The following GLI2 variants were observed in gnomAD, a reference collection of about 807,000 sequenced individuals.
GLI2 encodes the protein GLI family zinc finger 2.
A neutral mutation model predicts 78.9 loss-of-function variants in GLI2; 22 were observed. The ratio of observed to expected loss-of-function variants is 0.28; its 90% CI spans 0.20 to 0.40. GLI2 has a LOEUF of 0.40. Among genes scored for constraint, GLI2 ranks in the 10% least tolerant of loss-of-function variants. The pLI, the probability that GLI2 is intolerant of heterozygous loss-of-function variation, is 1.00. For missense variants in GLI2, 2,097 were observed against 2,213.2 expected (o/e 0.95, Z 1.05); for synonymous variants, 974 against 963.7 (o/e 1.01, Z -0.20).
chr2:120,813,583 T>A (rs1219434109), intron 2 of GLI2, among the ~76,000 whole-genome samples: 1 of 152,190 alleles, frequency 6.6e-6, no homozygotes, highest in African/African-American at 2.4e-5. Flanking sequence ...GCTACCACAC[T>A]TGTCTGCCAG....
chr2:120,961,084 C>G (rs1681531534), intron 5 of GLI2, among the ~76,000 whole-genome samples: 2 of 152,146 alleles, frequency 1.3e-5, no homozygotes, highest in African/African-American at 4.8e-5. Context: ...GATTTAACGA[C>G]AGAACAGCCA....
chr2:120,820,523 G>A (rs1271555633), intron 2 of GLI2, among the ~76,000 whole-genome samples: 1 of 152,232 alleles, frequency 6.6e-6, no homozygotes, highest in East Asian at 1.9e-4. Flanking sequence ...CACTCCGGGG[G>A]TGGGCTCCTG....
At chr2:120,977,984 T>C (rs2105047594) in intron 9 of GLI2, among the ~76,000 whole-genome samples, 1 of 152,346 alleles carries the variant, frequency 6.6e-6, no homozygotes, top group Middle Eastern at 3.4e-3. Context: ...GAGAGGCTTC[T>C]CATGCACCCA....
At chr2:120,796,384 A>C (rs1684395067) in intron 1 of GLI2, among the ~76,000 whole-genome samples, 1 of 152,170 alleles carries the variant, frequency 6.6e-6, no homozygotes, top group Non-Finnish European at 1.5e-5. Context: ...TGCTCTCCGC[A>C]CACAGCAATG....
At chr2:120,867,939 T>C (rs1688229498) in intron 2 of GLI2, among the ~76,000 whole-genome samples, 1 of 152,134 alleles carries the variant, frequency 6.6e-6, no homozygotes, top group Non-Finnish European at 1.5e-5. Flanking sequence ...GTGAGGCGGC[T>C]CCTGCGTGGA....
At chr2:120,922,794 G>A (rs375276338) in intron 2 of GLI2, among the ~76,000 whole-genome samples, 16 of 152,182 alleles carry the variant, frequency 1.1e-4, no homozygotes, top group South Asian at 8.3e-4. Context: ...AGGAGTGCAC[G>A]GGTGCAGCCT....
chr2:120,949,711 C>T (rs942726047), intron 3 of GLI2, among the ~76,000 whole-genome samples: 2 of 152,208 alleles, frequency 1.3e-5, no homozygotes, highest in African/African-American at 4.8e-5. Context: ...ATGAGCAGGG[C>T]AGTCACGTCT....
chr2:120,888,810 G>A (rs139815015), intron 2 of GLI2, among the ~76,000 whole-genome samples: 5 of 152,340 alleles, frequency 3.3e-5, no homozygotes, highest in East Asian at 1.9e-4. Context: ...CATGGTCAGC[G>A]TTGGCTGACA....
At chr2:120,775,646 A>G (rs1050926229) in intron 1 of GLI2, among the ~76,000 whole-genome samples, 1 of 152,188 alleles carries the variant, frequency 6.6e-6, no homozygotes, top group Non-Finnish European at 1.5e-5. Context: ...TAGTTAGGGA[A>G]TGGCCTTCCT....
At position 120,991,944 on chromosome 2, in the gene GLI2, C is replaced by G. The variant is rs1230170538; in HGVS notation, c.*1269C>G. ...ACCCACCTGGAAATGGAATTTGGAA[C>G]TGGCTTCAGGAGACATCATTCCTGA... On this transcript the variant is annotated 3_prime_UTR_variant, in exon 14 of 14. Coordinates refer to ENST00000361492, the MANE Select transcript of GLI2 (RefSeq NM_001374353.1). The G allele has an allele frequency of 6.6e-6, 1 of 151,732 alleles. No homozygotes were observed. The highest frequency in any genetic ancestry group is 2.4e-5 in the African/African-American group (1 of 41,168). The allele number at this position is 151,732 out of a possible 1,614,324, so 9.4% of individuals were successfully genotyped here.
At chr2:120,890,346 C>T (rs1052468308) in intron 2 of GLI2, among the ~76,000 whole-genome samples, 2 of 152,084 alleles carry the variant, frequency 1.3e-5, no homozygotes, top group African/African-American at 4.8e-5. Context: ...GAAGGGTGCT[C>T]ATCGTGACAG....
chr2:120,960,195 G>T (rs1471016714), intron 5 of GLI2, among the ~76,000 whole-genome samples: 2 of 152,236 alleles, frequency 1.3e-5, no homozygotes, highest in African/African-American at 4.8e-5. Context: ...CTCCAGCGCA[G>T]CCCTGTGTGA....
intron 2 of GLI2, among the ~76,000 whole-genome samples, chr2:120,815,953 C>A (rs1404777277): frequency 6.6e-6 from 1 of 152,160 alleles, no homozygotes; most frequent in Non-Finnish European, 1.5e-5. Context: ...GTACTTCCAG[C>A]TTCATGATGG....
intron 2 of GLI2, among the ~76,000 whole-genome samples, chr2:120,868,293 T>A (rs987851553): frequency 1.2e-4 from 19 of 152,244 alleles, no homozygotes; most frequent in African/African-American, 4.6e-4. Flanking sequence ...GCGTGAGGAA[T>A]GAATTTGGGG....
chr2:120,868,721 G>A (rs74328289), intron 2 of GLI2, among the ~76,000 whole-genome samples: 2 of 152,340 alleles, frequency 1.3e-5, no homozygotes, highest in East Asian at 3.9e-4. Flanking sequence ...AGAAATGGTC[G>A]AGGGAAGAGG....
intron 3 of GLI2, among the ~76,000 whole-genome samples, chr2:120,931,696 G>A (rs1283164329): frequency 6.6e-6 from 1 of 152,188 alleles, no homozygotes; most frequent in African/African-American, 2.4e-5. Flanking sequence ...TGTGAGATGG[G>A]GGTTAAGCTT....
At chr2:120,745,574 C>T (rs913560115) in intron 1 of GLI2, among the ~76,000 whole-genome samples, 3 of 152,178 alleles carry the variant, frequency 2.0e-5, no homozygotes, top group Non-Finnish European at 4.4e-5. Flanking sequence ...CACTACTGTC[C>T]TGCAGGCCTT....
intron 2 of GLI2, among the ~76,000 whole-genome samples, chr2:120,919,851 A>G (rs1302024771): frequency 6.6e-6 from 1 of 150,954 alleles, no homozygotes; most frequent in Non-Finnish European, 1.5e-5. Flanking sequence ...GGAGCGGCCA[A>G]TTGCCCAAGA....
At chr2:120,818,385 C>G (rs902833958) in intron 2 of GLI2, among the ~76,000 whole-genome samples, 1 of 152,234 alleles carries the variant, frequency 6.6e-6, no homozygotes, top group African/African-American at 2.4e-5. Flanking sequence ...TGGCCTGAGA[C>G]AGAGATAAAT....
Sources: gnomAD v4.1 joint callset for allele counts (sites outside exome capture counted in the v4.1 genomes callset) on GRCh38, gnomAD v4.1.1 for gene constraint, MANE v1.5 for transcripts, NCBI Gene and HGNC (gene_info 2026-07-23, HGNC 2026-07-21) for gene names.